The following LRRC7 variants were observed in gnomAD, a reference collection of about 807,000 sequenced individuals.
The protein encoded by LRRC7 is leucine rich repeat containing 7.
Under a neutral mutation model 175.7 loss-of-function variants are expected in LRRC7, and 23 were observed. The observed-to-expected ratio is 0.13, with a 90% CI of 0.09 to 0.19. The LOEUF (loss-of-function observed/expected upper bound fraction) is 0.19. Among genes scored for constraint, LRRC7 ranks in the 10% least tolerant of loss-of-function variants. The pLI is 1.00. For synonymous variants in LRRC7, 685 were observed against 680.9 expected (o/e 1.01, Z -0.09); for missense variants, 1,354 against 1,904.7 (o/e 0.71, Z 5.38).
chr1:69,763,273 C>T (rs918665785), intron 3 of LRRC7, among the ~76,000 whole-genome samples: 11 of 151,796 alleles, frequency 7.2e-5, no homozygotes, highest in Non-Finnish European at 1.5e-4. Context: ...AAATTTATTC[C>T]GAAGCTGACT....
At chr1:69,755,038 A>G (rs992333752) in intron 2 of LRRC7, among the ~76,000 whole-genome samples, 7 of 151,964 alleles carry the variant, frequency 4.6e-5, no homozygotes, top group African/African-American at 1.7e-4. Context: ...AAAGGGAAGA[A>G]CCAAAGTGGA....
At chr1:70,047,872 A>C (rs1455491139) in intron 22 of LRRC7, among the ~76,000 whole-genome samples, 1 of 152,014 alleles carries the variant, frequency 6.6e-6, no homozygotes, top group Non-Finnish European at 1.5e-5. Context: ...TGCTTATGCT[A>C]ATTTCCCAGA....
At chr1:69,717,948 GAAAGA>G (rs1665772694) in intron 2 of LRRC7, among the ~76,000 whole-genome samples, 1 of 100,216 alleles carries the variant, frequency 1.0e-5, no homozygotes, top group African/African-American at 4.2e-5. Context: ...AAGAAAGAAA[GAAAGA>G]AAGAAGAAAA....
intron 23 of LRRC7, among the ~76,000 whole-genome samples, chr1:70,061,766 T>C (rs1661596196): frequency 6.6e-6 from 1 of 152,172 alleles, no homozygotes; most frequent in Non-Finnish European, 1.5e-5. Context: ...CTTTGAAAAT[T>C]ACCTCTAGAT....
At chr1:69,886,118 A>G (rs1406904844) in intron 7 of LRRC7, among the ~76,000 whole-genome samples, 1 of 151,752 alleles carries the variant, frequency 6.6e-6, no homozygotes, top group Admixed American at 6.6e-5. Flanking sequence ...AGAGTTCTGT[A>G]GATGTCTATT....
intron 8 of LRRC7, among the ~76,000 whole-genome samples, chr1:69,965,355 C>T (rs558339313): frequency 6.6e-6 from 1 of 152,256 alleles, no homozygotes; most frequent in East Asian, 1.9e-4. Context: ...AACATCATGT[C>T]ATCTGTAGAT....
At chr1:70,024,088 T>A (rs1226833220) in intron 17 of LRRC7, among the ~76,000 whole-genome samples, 4 of 152,116 alleles carry the variant, frequency 2.6e-5, no homozygotes, top group Non-Finnish European at 4.4e-5. Flanking sequence ...TTGTCTTATA[T>A]TTTTGCTACA....
chr1:69,911,551 C>G (rs117439100), intron 7 of LRRC7, among the ~76,000 whole-genome samples: 1 of 152,152 alleles, frequency 6.6e-6, no homozygotes, highest in Non-Finnish European at 1.5e-5. Context: ...ATGCTTCCTC[C>G]CTCTTAAATC....
intron 7 of LRRC7, among the ~76,000 whole-genome samples, chr1:69,870,373 C>T (rs1487726345): frequency 1.3e-5 from 2 of 152,012 alleles, no homozygotes; most frequent in African/African-American, 4.8e-5. Context: ...GAAAATTTAG[C>T]AAACCAGGTC....
chr1:69,598,198 C>T (rs1646916914), intron 1 of LRRC7, among the ~76,000 whole-genome samples: 1 of 152,078 alleles, frequency 6.6e-6, no homozygotes, highest in Non-Finnish European at 1.5e-5. Context: ...GCTATAGGGT[C>T]AGGTAATGAA....
At chr1:69,874,844 TG>T (rs1318193850) in intron 7 of LRRC7, 1 of 152,098 alleles carries the variant, frequency 6.6e-6, no homozygotes, top group Admixed American at 6.6e-5. Context: ...AAGATCTATA[TG>T]TAAAAATTTT....
intron 7 of LRRC7, among the ~76,000 whole-genome samples, chr1:69,905,252 TTTATTA>T (rs36050545): frequency 1.3e-5 from 2 of 150,002 alleles, no homozygotes; most frequent in Admixed American, 6.7e-5. Flanking sequence ...GTAAGTTCTT[TTTATTA>T]TTATTATTAT....
rs59212223 is a variant in LRRC7, at chr1:69,600,800, CTTTTTTTTTTT to C, written c.2+32177_2+32187del. On this transcript the variant is annotated intron_variant, in intron 1 of 26. Coordinates refer to ENST00000651989, the MANE Select transcript of LRRC7 (RefSeq NM_001370785.2). Reference sequence around the variant, plus strand: ...CCATTTCTCCAAGGATCTCTGGTTTCTTTTTTTTTTTTTTTTTTTTTTTTTTTTGAGACAGA... The same window carrying C: ...CCATTTCTCCAAGGATCTCTGGTTTCTTTTTTTTTTTTTTTTTGAGACAGA... 3.5e-4 allele frequency among the ~76,000 whole-genome samples: 23 copies of C among 64,898 alleles called. 1 individual carries two copies. The highest frequency in any genetic ancestry group is 3.2e-3 in the East Asian group (6 of 1,874). 42.6% of individuals were successfully genotyped at this position (64,898 alleles called of 152,430 possible). A position where few individuals can be genotyped will look rare whatever the true frequency, so the allele number is the denominator to read the frequency against.
chr1:70,086,365 C>A (rs1261880557), intron 24 of LRRC7, among the ~76,000 whole-genome samples: 1 of 152,146 alleles, frequency 6.6e-6, no homozygotes, highest in African/African-American at 2.4e-5. Context: ...GTAAGATTAA[C>A]ACAGACCAGA....
chr1:70,007,087 A>T (rs1164528571), intron 11 of LRRC7, among the ~76,000 whole-genome samples: 1 of 152,052 alleles, frequency 6.6e-6, no homozygotes, highest in East Asian at 1.9e-4. Context: ...TTGCTGATCA[A>T]CTCAACGTTC....
chr1:69,575,934 A>C (rs2100894192), intron 1 of LRRC7, among the ~76,000 whole-genome samples: 1 of 152,272 alleles, frequency 6.6e-6, no homozygotes, highest in South Asian at 2.1e-4. Flanking sequence ...ATTTCTGAGA[A>C]GTTTTTTGCA....
At chr1:69,604,974 C>T (rs556165909) in intron 1 of LRRC7, among the ~76,000 whole-genome samples, 1 of 152,266 alleles carries the variant, frequency 6.6e-6, no homozygotes, top group African/African-American at 2.4e-5. Context: ...TGTGATACCC[C>T]ATTGAACATC....
chr1:69,599,474 G>A (rs1646968609), intron 1 of LRRC7, among the ~76,000 whole-genome samples: 1 of 152,158 alleles, frequency 6.6e-6, no homozygotes, highest in Non-Finnish European at 1.5e-5. Context: ...CATTTTGTAA[G>A]CTATTTGCCA....
At chr1:70,032,453 G>C (rs1199462644) in intron 18 of LRRC7, among the ~76,000 whole-genome samples, 1 of 151,494 alleles carries the variant, frequency 6.6e-6, no homozygotes, top group African/African-American at 2.4e-5. Context: ...ACAGCTCCAA[G>C]CACAGTTATT....
Sources: gnomAD v4.1 joint callset for allele counts (sites outside exome capture counted in the v4.1 genomes callset) on GRCh38, gnomAD v4.1.1 for gene constraint, MANE v1.5 for transcripts, NCBI Gene and HGNC (gene_info 2026-07-23, HGNC 2026-07-21) for gene names.